OR52N4: variants seen among roughly 807,000 people sequenced by gnomAD.
OR52N4 encodes the protein olfactory receptor 52N4.
Under a neutral mutation model 15.0 loss-of-function variants are expected in OR52N4, and 15 were observed. The observed-to-expected ratio is 1.00, with a 90% CI of 0.67 to 1.54. The LOEUF (loss-of-function observed/expected upper bound fraction) is 1.54, where lower values mean the gene tolerates loss of function less well. Among genes scored for constraint, OR52N4 ranks in the 40% most tolerant of loss-of-function variants. The probability of loss-of-function intolerance (pLI) is 0.00; values close to 1 mark genes in which losing one functional copy is unlikely to be tolerated. For missense variants in OR52N4, 421 were observed against 394.0 expected (o/e 1.07, Z -0.58); for synonymous variants, 143 against 143.7 (o/e 1.00, Z 0.03).
upstream of OR52N4, among the ~76,000 whole-genome samples, chr11:5,750,051 A>C (rs979616219): frequency 1.3e-5 from 2 of 151,982 alleles, no homozygotes; most frequent in Non-Finnish European, 1.5e-5. Context: ...TGTAAGCATA[A>C]AACCAGTTTT....
chr11:5,738,673 T>G, the OR52N4 span, among the ~76,000 whole-genome samples: 1 of 152,158 alleles, frequency 6.6e-6, no homozygotes, highest in Non-Finnish European at 1.5e-5. Context: ...CAGCAAAATC[T>G]TCAGATGATC....
the OR52N4 span, chr11:5,736,997 A>C: frequency 4.5e-4 from 719 of 1,614,166 alleles, 4 homozygotes; most frequent in African/African-American, 8.2e-3. Context: ...GGTGCTGAGA[A>C]ATGGCTTATT....
chr11:5,732,345 T>G, the OR52N4 span, among the ~76,000 whole-genome samples: 1 of 152,160 alleles, frequency 6.6e-6, no homozygotes, highest in East Asian at 1.9e-4. Flanking sequence ...TGTGCATAAA[T>G]TTTTCTATTT....
chr11:5,736,555 C>T, the OR52N4 span: 159,242 of 1,613,188 alleles, frequency 0.099, 8,267 homozygotes, highest in East Asian at 0.14. Flanking sequence ...TCTCCAATAG[C>T]TCCAAATTCC....
At chr11:5,735,938 G>T in the OR52N4 span, 1 of 154,124 alleles carries the variant, frequency 6.5e-6, no homozygotes, top group Non-Finnish European at 1.4e-5. Flanking sequence ...TGTTATCACA[G>T]GAATCTTTAA....
Position 5,755,182 on chromosome 11 carries a change from A to G in OR52N4, c.442A>G (p.Thr148Ala), listed in dbSNP as rs1465696798. ...LTNPVIAKVG[T>A]ATFLRGVLLI... ...CAATCCTGTAATTGCAAAGGTTGGG[A>G]CTGCCACCTTCCTGAGAGGGGTATT... The change falls in exon 2 of 2, where the codon ACT becomes GCT. Residue 148 changes from threonine (T) to alanine (A), a missense_variant. Thr to Ala is a moderately conservative substitution (Grantham distance 58). Transcript: ENST00000641350. 6.2e-7 allele frequency: 1 copy of G among 1,613,980 alleles called. No individual in the cohort carries two copies. Among genetic ancestry groups the G allele is most frequent in the East Asian group, 2.2e-5 (1 of 44,854 alleles).
the OR52N4 span, chr11:5,736,128 T>C: frequency 2.3e-5 from 5 of 212,850 alleles, no homozygotes; most frequent in South Asian, 1.5e-4. Context: ...CAGAAGTGCA[T>C]ACAAAATAGA....
the OR52N4 span, among the ~76,000 whole-genome samples, chr11:5,738,858 C>CTATGGTTACTGCCCTCTCTAG: frequency 9.2e-5 from 6 of 65,496 alleles, no homozygotes; most frequent in South Asian, 5.0e-4. Flanking sequence ...GGCTACTTTC[C>CTATGGTTACTGCCCTCTCTAG]ATTAAACACA....
the OR52N4 span, among the ~76,000 whole-genome samples, chr11:5,734,880 C>A: frequency 6.6e-6 from 1 of 151,964 alleles, no homozygotes; most frequent in Non-Finnish European, 1.5e-5. Flanking sequence ...TCTGTAGATA[C>A]ATTTAGATAA....
At chr11:5,736,346 C>A in the OR52N4 span, 1 of 623,628 alleles carries the variant, frequency 1.6e-6, no homozygotes, top group Non-Finnish European at 2.8e-6. Flanking sequence ...TGCATCAAGT[C>A]AAGTAACACT....
chr11:5,751,428 T>C (rs150828877), upstream of OR52N4, among the ~76,000 whole-genome samples: 1 of 152,032 alleles, frequency 6.6e-6, no homozygotes, highest in African/African-American at 2.4e-5. Context: ...TTAGCTTTTC[T>C]AGTAATCTTA....
the OR52N4 span, among the ~76,000 whole-genome samples, chr11:5,742,910 G>C: frequency 0.13 from 20,488 of 152,108 alleles, 1,603 homozygotes; most frequent in African/African-American, 0.22. Context: ...AGCTTGAACA[G>C]GAATGTACTA....
At chr11:5,736,649 C>T in the OR52N4 span, 27 of 1,614,024 alleles carry the variant, frequency 1.7e-5, no homozygotes, top group Non-Finnish European at 2.3e-5. Flanking sequence ...ACTACTGTAT[C>T]TCTCAGCACT....
the OR52N4 span, among the ~76,000 whole-genome samples, chr11:5,727,920 C>T: frequency 5.3e-5 from 8 of 152,294 alleles, no homozygotes; most frequent in East Asian, 1.9e-4. Flanking sequence ...ATTTATCATG[C>T]TTTTCCATAA....
At chr11:5,736,376 C>G in the OR52N4 span, 30 of 710,076 alleles carry the variant, frequency 4.2e-5, no homozygotes, top group South Asian at 5.1e-4. Context: ...ATGAAGAAAA[C>G]AAGCACATCC....
rs752843623 is a variant in OR52N4, at chr11:5,755,626, G to C, written c.886G>C (p.Gly296Arg). 4 of 1,613,538 alleles carry C rather than the reference G, an allele frequency of 2.5e-6. No homozygotes were observed. In the African/African-American group the frequency reaches 4.0e-5, roughly 16 times the overall value. The change falls in exon 2 of 2, where the codon GGG becomes CGG. Residue 296 changes from glycine to arginine, a missense_variant. Coordinates refer to ENST00000641350, the MANE Select transcript of OR52N4 (RefSeq NM_001005175.5). ...LPPTMNPIVY[G>R]VKTKQIRDCV... ...ACCCACTATGAACCCTATTGTCTAT[G>C]GGGTGAAAACCAAACAGATACGAGA...
the OR52N4 span, chr11:5,736,696 G>C: frequency 5.0e-6 from 8 of 1,613,808 alleles, no homozygotes; most frequent in South Asian, 6.6e-5. Context: ...TCATCTGGCA[G>C]AACCCTTCTT....
the OR52N4 span, among the ~76,000 whole-genome samples, chr11:5,735,452 C>T: frequency 6.6e-5 from 10 of 151,460 alleles, no homozygotes; most frequent in African/African-American, 2.4e-4. Context: ...TTATTTTAAG[C>T]AAAGGAATAC....
chr11:5,729,044 C>T, the OR52N4 span, among the ~76,000 whole-genome samples: 1 of 151,836 alleles, frequency 6.6e-6, no homozygotes, highest in African/African-American at 2.4e-5. Flanking sequence ...CCCCTCACCC[C>T]CACCCCACAA....
Sources: allele counts gnomAD v4.1 joint callset (sites outside exome capture counted in the v4.1 genomes callset), GRCh38; gene constraint gnomAD v4.1.1; transcripts MANE v1.5; gene names NCBI Gene and HGNC (gene_info 2026-07-23, HGNC 2026-07-21).